The following ADGRG5 variants were observed in gnomAD, a reference collection of about 807,000 sequenced individuals.
ADGRG5 encodes the protein adhesion G protein-coupled receptor G5.
ADGRG5 carries 37 observed loss-of-function variants against 53.2 expected under a neutral mutation model. The observed-to-expected ratio is 0.70, with a 90% CI of 0.53 to 0.91. The LOEUF (loss-of-function observed/expected upper bound fraction) is 0.91, where lower values mean the gene tolerates loss of function less well. ADGRG5 is among the 40% of genes least tolerant of loss of function. ADGRG5 has a pLI of 0.00. For missense variants in ADGRG5, 614 were observed against 675.8 expected, an observed-to-expected ratio of 0.91 and a Z score of 1.01; for synonymous variants, 277 against 290.4, an observed-to-expected ratio of 0.95 and a Z score of 0.47.
chr16:57,559,821 A>G (rs2032961586), intron 1 of ADGRG5, among the ~76,000 whole-genome samples: 1 of 151,048 alleles, frequency 6.6e-6, no homozygotes, highest in Non-Finnish European at 1.5e-5. Context: ...CTGACTCTCT[A>G]CTTTCTAGGT....
chr16:57,566,751 G>A lies in ADGRG5; in HGVS notation c.699G>A (p.Met233Ile), dbSNP rs1318410070. 1 of 1,518,544 alleles carries A rather than the reference G, an allele frequency of 6.6e-7. No individual in the cohort carries two copies. Among genetic ancestry groups the A allele is most frequent in the Non-Finnish European group, 8.8e-7 (1 of 1,132,680 alleles). The allele number at this position is 1,518,544 out of a possible 1,614,324, so 94.1% of individuals were successfully genotyped here. Residue 233 changes from methionine (M) to isoleucine (I), a missense_variant and splice_region_variant, in exon 7 of 12, where the codon ATG (methionine) becomes ATA (isoleucine). By Grantham distance (10) the Met-to-Ile change is conservative. Coordinates refer to ENST00000349457, the MANE Select transcript of ADGRG5 (RefSeq NM_001304376.3). ...ACCTCACCTACTTTGCTGTTCTCAT[G>A]GTATGTATGCATCCTGAGTGGGGCT... ...CNHLTYFAVL[M>I]QLSPALVPAE...
chr16:57,561,992 C>A, intron 1 of ADGRG5, 64 bp from the exon 2 acceptor site: 2 of 861,404 alleles, frequency 2.3e-6, no homozygotes, highest in Admixed American at 2.8e-5. Flanking sequence ...TTGGGACATG[C>A]CAGACACCTA....
At chr16:57,561,738 C>T (rs79517006) in intron 1 of ADGRG5, among the ~76,000 whole-genome samples, 26 of 152,308 alleles carry the variant, frequency 1.7e-4, no homozygotes, top group East Asian at 7.7e-4. Context: ...TCCCAAACAC[C>T]GTCCCCCTGG....
At chr16:57,572,885 G>A (rs1441867249) in intron 10 of ADGRG5, among the ~76,000 whole-genome samples, 1 of 152,192 alleles carries the variant, frequency 6.6e-6, no homozygotes. Context: ...GACTGTAGGG[G>A]CAGGAGCCAC....
In ADGRG5 at chr16:57,574,830, C is replaced by A; in HGVS notation, c.1224C>A (p.Ser408Arg). ...FQNMSICWVR[S>R]PVVHSVLVMG... The stretch of plus-strand genomic sequence containing the variant: ...TCCCCTGCAGATGCTGGGTGCGGAG[C>A]CCCGTGGTGCACAGTGTCCTGGTCA... Residue 408 changes from serine to arginine, a missense_variant, in exon 11 of 12, where the codon AGC becomes AGA. Coordinates refer to ENST00000349457, the MANE Select transcript of ADGRG5 (RefSeq NM_001304376.3). This position sits in a 1 kb window ranked among gnomAD's most constrained non-coding sequence, Gnocchi z 4.4. 1 of 1,586,860 alleles carries A rather than the reference C, an allele frequency of 6.3e-7. No homozygotes were observed. The highest frequency in any genetic ancestry group is 8.6e-7 in the Non-Finnish European group (1 of 1,163,658).
chr16:57,539,453 C>CTT (rs375117285), upstream of ADGRG5, among the ~76,000 whole-genome samples: 1,117 of 108,736 alleles, frequency 0.01, 33 homozygotes, highest in African/African-American at 0.024. Flanking sequence ...GCACTGTACC[C>CTT]CTTTTTTTTT....
upstream of ADGRG5, among the ~76,000 whole-genome samples, chr16:57,539,319 G>T (rs564157143): frequency 9.2e-5 from 14 of 152,292 alleles, 1 homozygote; most frequent in South Asian, 2.9e-3. Flanking sequence ...TAAGGGCTTG[G>T]GGGAGTAGAG....
At chr16:57,561,593 A>G (rs898944434) in intron 1 of ADGRG5, among the ~76,000 whole-genome samples, 2 of 152,164 alleles carry the variant, frequency 1.3e-5, no homozygotes, top group African/African-American at 4.8e-5. Flanking sequence ...GCAGACATAA[A>G]TTTGCTCTAT....
chr16:57,537,258 C>T, the ADGRG5 span, among the ~76,000 whole-genome samples: 1 of 152,088 alleles, frequency 6.6e-6, no homozygotes, highest in South Asian at 2.1e-4. Context: ...ACTGGAAAGC[C>T]GGGACAGGCG....
At chr16:57,555,539 C>G in intron 1 of ADGRG5, among the ~76,000 whole-genome samples, 1 of 152,172 alleles carries the variant, frequency 6.6e-6, no homozygotes, top group East Asian at 1.9e-4. Context: ...AGCAATTACT[C>G]AGAGACAAAT....
intron 1 of ADGRG5, among the ~76,000 whole-genome samples, chr16:57,548,271 A>T (rs189600093): frequency 5.5e-4 from 83 of 152,154 alleles, no homozygotes; most frequent in South Asian, 1.9e-3. Context: ...AAAATTATAA[A>T]TGCACAGAAG....
At chr16:57,535,661 C>G in the ADGRG5 span, among the ~76,000 whole-genome samples, 1 of 151,388 alleles carries the variant, frequency 6.6e-6, no homozygotes, top group Non-Finnish European at 1.5e-5. Context: ...TCGGCAACAC[C>G]GTGAACTCTT....
At chr16:57,546,235 C>A (rs550737697) in intron 1 of ADGRG5, among the ~76,000 whole-genome samples, 1 of 152,196 alleles carries the variant, frequency 6.6e-6, no homozygotes, top group Admixed American at 6.5e-5. Flanking sequence ...GTGATCCTCT[C>A]ACCTCAGCAT....
At chr16:57,532,015 C>T in the ADGRG5 span, among the ~76,000 whole-genome samples, 1 of 152,220 alleles carries the variant, frequency 6.6e-6, no homozygotes, top group South Asian at 2.1e-4. Flanking sequence ...GTCTGTCTGC[C>T]TTTACCATGC....
rs767088357 is a variant in ADGRG5, at chr16:57,570,413, C to T, written c.1091-5C>T. On this transcript the variant is annotated splice_region_variant and splice_polypyrimidine_tract_variant and intron_variant, in intron 9 of 11. Coordinates refer to ENST00000349457, the MANE Select transcript of ADGRG5 (RefSeq NM_001304376.3). Reference sequence around the variant, plus strand: ...CATCTCCTGAGCCTTTGTCCCACCCCTCAGGGGCCCCAGCCCTCCTGGTGC... The same window carrying T: ...CATCTCCTGAGCCTTTGTCCCACCCTTCAGGGGCCCCAGCCCTCCTGGTGC... 3.7e-6 allele frequency: 6 copies of T among 1,608,054 alleles called. No individual in the cohort carries two copies. The highest frequency in any genetic ancestry group is 5.1e-6 in the Non-Finnish European group (6 of 1,177,102).
At chr16:57,562,319 G>T in intron 2 of ADGRG5, 65 bp from the exon 3 acceptor site, 1 of 1,483,574 alleles carries the variant, frequency 6.7e-7, no homozygotes. Flanking sequence ...GGGATGGAAA[G>T]CCCAGAGGTT....
chr16:57,537,046 A>G, the ADGRG5 span, among the ~76,000 whole-genome samples: 36 of 152,086 alleles, frequency 2.4e-4, no homozygotes, highest in African/African-American at 8.5e-4. Flanking sequence ...CTCTTTCTGT[A>G]CAACAGAAGG....
intron 2 of ADGRG5, 81 bp from the exon 3 acceptor site, chr16:57,562,303 C>G: frequency 7.0e-7 from 1 of 1,436,800 alleles, no homozygotes. Context: ...ACTAGACTCT[C>G]AGGGTGGGAT....
rs754736668 is a variant in ADGRG5 at position 57,566,603 on chromosome 16, G to C, written c.551G>C (p.Gly184Ala). 2 of 1,521,638 alleles carry C rather than the reference G, an allele frequency of 1.3e-6. No homozygotes were observed. The highest frequency in any genetic ancestry group is 1.8e-6 in the Non-Finnish European group (2 of 1,136,002). The allele number at this position is 1,521,638 out of a possible 1,614,324, so 94.3% of individuals were successfully genotyped here. ...ISFWHNQSLE[G>A]YTLTCVFWKE... is the part of the protein sequence containing the mutation. ...TGACCCAGCATCTCCACCCAGGAAGGCTACACCCTGACCTGTGTCTTCTGG... is the reference window on the plus strand; with the variant it reads ...TGACCCAGCATCTCCACCCAGGAAGCCTACACCCTGACCTGTGTCTTCTGG... The change falls in exon 7 of 12, where the codon GGC becomes GCC. Residue 184 changes from glycine (G) to alanine (A), a missense_variant. Transcript: ENST00000349457.
Sources: gnomAD v4.1 joint callset for allele counts (sites outside exome capture counted in the v4.1 genomes callset) on GRCh38, gnomAD v4.1.1 for gene constraint, Gnocchi (gnomAD v3.1) non-coding constraint, MANE v1.5 for transcripts, NCBI Gene and HGNC (gene_info 2026-07-23, HGNC 2026-07-21) for gene names.